Variants in BPTF observed in about 807,000 individuals in gnomAD.
BPTF encodes bromodomain PHD finger transcription factor.
A neutral mutation model predicts 292.5 loss-of-function variants in BPTF; 18 were observed. The ratio of observed to expected loss-of-function variants is 0.06; its 90% CI spans 0.04 to 0.09. The LOEUF (loss-of-function observed/expected upper bound fraction) is 0.09, where lower values mean the gene tolerates loss of function less well. Ranked by LOEUF, BPTF falls within the 10% of genes least tolerant of loss-of-function variation. The pLI, the probability that BPTF is intolerant of heterozygous loss-of-function variation, is 1.00. For synonymous variants in BPTF, 1,225 were observed against 1,251.9 expected, an observed-to-expected ratio of 0.98 and a Z score of 0.45; for missense variants, 2,726 against 3,498.7, an observed-to-expected ratio of 0.78 and a Z score of 5.57.
Position 67,913,005 on chromosome 17 carries a change from C to G in BPTF, c.5121C>G (p.Ser1707=). The G allele has an allele frequency of 6.2e-7, 1 of 1,614,094 alleles. No individual in the cohort carries two copies. Among genetic ancestry groups the G allele is most frequent in the Non-Finnish European group, 8.5e-7 (1 of 1,180,004 alleles). Residue 1707 remains serine, a synonymous_variant, in exon 11 of 28, where the codon TCC becomes TCG. Transcript: ENST00000306378. ...CTCGTTCAGGTACAGCTCTGCCATC[C>G]TATAGAAAATTTGTTACCAAGAGCA... ...KKTRSGTALP[S]YRKFVTKSSK...
intron 1 of BPTF, among the ~76,000 whole-genome samples, chr17:67,840,644 C>T (rs984086284): frequency 7.9e-5 from 12 of 152,038 alleles, no homozygotes; most frequent in Non-Finnish European, 1.6e-4. Flanking sequence ...CCGTCATTCC[C>T]CGCCTACCCA....
intron 4 of BPTF, among the ~76,000 whole-genome samples, chr17:67,881,426 T>C (rs529436158): frequency 7.9e-4 from 120 of 152,088 alleles, no homozygotes; most frequent in African/African-American, 2.7e-3. Flanking sequence ...TCAACGAGTT[T>C]AGGTGGTGAG....
In BPTF at chr17:67,912,761, C is replaced by T. The variant is rs749199168; in HGVS notation, c.4877C>T (p.Thr1626Ile). The T allele has an allele frequency of 8.1e-6, 13 of 1,614,138 alleles. No homozygotes were observed. The highest frequency in any genetic ancestry group is 4.5e-5 in the East Asian group (2 of 44,882). ...GAAAATTGTGCAAAATCCACTGTCA[C>T]AACCACCACTACAACAGTGACCAAG... ...STENCAKSTV[T>I]TTTTTVTKLS... The change falls in exon 11 of 28, where the codon ACA becomes ATA. Residue 1626 changes from threonine (T) to isoleucine (I), a missense_variant. Physicochemically the swap from Thr to Ile is moderately conservative, Grantham distance 89. Coordinates refer to ENST00000306378, the MANE Select transcript of BPTF (RefSeq NM_182641.4).
intron 4 of BPTF, among the ~76,000 whole-genome samples, chr17:67,878,486 T>C (rs1392711900): frequency 6.6e-6 from 1 of 152,234 alleles, no homozygotes; most frequent in Non-Finnish European, 1.5e-5. Context: ...ACAGGGGTTG[T>C]AGAAGTATTC....
rs2064091366 is a variant in BPTF, at chr17:67,928,340, CCTT to C, written c.5752-13_5752-11del. 2 of 1,590,816 alleles carry C rather than the reference CCTT, an allele frequency of 1.3e-6. No homozygotes were observed. The highest frequency in any genetic ancestry group is 8.6e-7 in the Non-Finnish European group (1 of 1,168,698). On this transcript the variant is annotated splice_polypyrimidine_tract_variant and intron_variant, in intron 15 of 27. Coordinates refer to ENST00000306378, the MANE Select transcript of BPTF (RefSeq NM_182641.4). ...AACTATTTTGATTCATGTTTCCTCTCCTTCACTTTTTTAGAAACGACTGGAGCA... is the reference window on the plus strand; with the variant it reads ...AACTATTTTGATTCATGTTTCCTCTCCACTTTTTTAGAAACGACTGGAGCA...
At chr17:67,865,179 A>G (rs1275549543) in intron 2 of BPTF, among the ~76,000 whole-genome samples, 2 of 152,152 alleles carry the variant, frequency 1.3e-5, no homozygotes, top group Admixed American at 6.5e-5. Context: ...TTGGCACTCA[A>G]AAACTTTTGG....
Position 67,931,418 on chromosome 17 carries a change from T to C in BPTF, c.6151-493T>C, listed in dbSNP as rs575412247. On this transcript the variant is annotated intron_variant, in intron 17 of 27. Transcript: ENST00000306378. ...AGCCCAGGAGTGAGCCAGGCTACGA[T>C]GAGCTGTGATTGCATCACTGCATTC... 8.5e-5 allele frequency among the ~76,000 whole-genome samples: 13 copies of C among 152,304 alleles called. No individual in the cohort carries two copies. The South Asian group carries it at 2.7e-3, about 32-fold the overall frequency.
intron 2 of BPTF, among the ~76,000 whole-genome samples, chr17:67,856,006 C>T (rs2058669493): frequency 6.6e-6 from 1 of 152,202 alleles, no homozygotes; most frequent in Non-Finnish European, 1.5e-5. Flanking sequence ...TTTTGGTGGG[C>T]ATTTTCAATC....
intron 7 of BPTF, 140 bp from the exon 8 acceptor site, chr17:67,903,649 C>A (rs2061996419): frequency 5.9e-6 from 4 of 680,502 alleles, no homozygotes; most frequent in Non-Finnish European, 6.7e-6. Context: ...ACAACTACAA[C>A]TAAGTTTTGT....
At chr17:67,859,145 T>G (rs2058919004) in intron 2 of BPTF, among the ~76,000 whole-genome samples, 1 of 152,108 alleles carries the variant, frequency 6.6e-6, no homozygotes, top group Non-Finnish European at 1.5e-5. Flanking sequence ...TATTTTATTT[T>G]TAATTAATTA....
At chr17:67,919,033 G>A (rs1369927238) in intron 12 of BPTF, among the ~76,000 whole-genome samples, 195 bp downstream of exon 12, 1 of 151,540 alleles carries the variant, frequency 6.6e-6, no homozygotes, top group Non-Finnish European at 1.5e-5. Flanking sequence ...TTACCTGGGC[G>A]TGGTGGTGGG....
chr17:67,861,558 A>C (rs938691244), intron 2 of BPTF, among the ~76,000 whole-genome samples: 33 of 152,180 alleles, frequency 2.2e-4, no homozygotes, highest in African/African-American at 7.9e-4. Flanking sequence ...TCAGGTGATC[A>C]GCCCACCTCA....
At chr17:67,867,048 A>G (rs1354105614) in intron 3 of BPTF, among the ~76,000 whole-genome samples, 1 of 152,236 alleles carries the variant, frequency 6.6e-6, no homozygotes, top group Non-Finnish European at 1.5e-5. Context: ...ATCTTATGTG[A>G]TCACCATCAC....
At chr17:67,846,631 C>T (rs1049802158) in intron 1 of BPTF, among the ~76,000 whole-genome samples, 4 of 152,164 alleles carry the variant, frequency 2.6e-5, no homozygotes, top group African/African-American at 9.7e-5. Context: ...ACTGAGAGGT[C>T]AAGTCAGGTG....
At chr17:67,886,179 C>T in intron 4 of BPTF, 1 of 1,613,702 alleles carries the variant, frequency 6.2e-7, no homozygotes, top group East Asian at 2.2e-5. Flanking sequence ...ACCACTACCT[C>T]CATCCAGCCT....
At chr17:67,941,834 T>G (rs1320885976) in intron 19 of BPTF, among the ~76,000 whole-genome samples, 1 of 152,176 alleles carries the variant, frequency 6.6e-6, no homozygotes, top group Non-Finnish European at 1.5e-5. Flanking sequence ...ATGAAAAGAT[T>G]TATAAATTCA....
At chr17:67,829,494 T>C (rs1846873815) in intron 1 of BPTF, among the ~76,000 whole-genome samples, 1 of 144,906 alleles carries the variant, frequency 6.9e-6, no homozygotes, top group Admixed American at 6.9e-5. Context: ...ATGTGACATT[T>C]TGAGTTCTAA....
At chr17:67,968,764 G>A (rs1356119910) in intron 26 of BPTF, among the ~76,000 whole-genome samples, 1 of 147,614 alleles carries the variant, frequency 6.8e-6, no homozygotes, top group Non-Finnish European at 1.5e-5. Context: ...CTCTAGCCTG[G>A]CTGACAGAGC....
chr17:67,939,447 G>T (rs922581454), intron 18 of BPTF, among the ~76,000 whole-genome samples: 2 of 152,194 alleles, frequency 1.3e-5, no homozygotes, highest in African/African-American at 4.8e-5. Flanking sequence ...CTTAGCAACT[G>T]TTCTACATGG....
Sources: gnomAD v4.1 joint callset for allele counts (sites outside exome capture counted in the v4.1 genomes callset) on GRCh38, gnomAD v4.1.1 for gene constraint, MANE v1.5 for transcripts, NCBI Gene and HGNC (gene_info 2026-07-23, HGNC 2026-07-21) for gene names.